ADAMTS7: variants seen among roughly 807,000 people sequenced by gnomAD.
The protein encoded by ADAMTS7 is A disintegrin and metalloproteinase with thrombospondin motifs 7.
In ADAMTS7, 89 loss-of-function variants were observed where a neutral mutation model predicts 172.6. The observed-to-expected ratio is 0.52, with a 90% CI of 0.43 to 0.61. ADAMTS7 has a LOEUF of 0.61. Ranked by LOEUF, ADAMTS7 falls within the 20% of genes least tolerant of loss-of-function variation. The pLI is 0.00. For synonymous variants in ADAMTS7, 885 were observed against 978.4 expected, an observed-to-expected ratio of 0.90 and a Z score of 1.78; for missense variants, 1,973 against 2,355.6, an observed-to-expected ratio of 0.84 and a Z score of 3.36.
At position 78,763,981 on chromosome 15, in the gene ADAMTS7, T is replaced by C; in HGVS notation, c.4538A>G (p.His1513Arg). The change falls in exon 21 of 24, where the codon CAC becomes CGC. Residue 1513 changes from histidine to arginine, a missense_variant. Physicochemically the swap from His to Arg is conservative, Grantham distance 29 (BLOSUM62 0). Transcript: ENST00000388820. ...GCAGGGCTGGGCCCCGCAGGGCCGG[T>C]GCGCAGGCGGCTTGGCAGGCCCGGG... ...CQPGPAKPPAHRPCGAQPCLS... is the reference protein window; with the variant it reads ...CQPGPAKPPARRPCGAQPCLS... 1.3e-6 allele frequency: 2 copies of C among 1,546,844 alleles called. No homozygotes were observed. The highest frequency in any genetic ancestry group is 1.7e-6 in the Non-Finnish European group (2 of 1,145,682).
intron 1 of ADAMTS7, among the ~76,000 whole-genome samples, chr15:78,808,075 T>C (rs2055819248): frequency 6.6e-6 from 1 of 152,082 alleles, no homozygotes. Context: ...AGGCTGGTCT[T>C]GAATTTCTGG....
chr15:78,805,512 ATTCATT>A (rs1474810869), intron 1 of ADAMTS7, among the ~76,000 whole-genome samples: 1 of 152,122 alleles, frequency 6.6e-6, no homozygotes, highest in Non-Finnish European at 1.5e-5. Flanking sequence ...ACCACTCCAT[ATTCATT>A]CCCAGTACTG....
At position 78,776,779 on chromosome 15, in the gene ADAMTS7, A is replaced by G. The variant is rs11854507; in HGVS notation, c.1530T>C (p.Ala510=). The stretch of plus-strand genomic sequence containing the variant: ...TCTCCCCACACCGGGTGCCGTCCAC[A>G]GCTGCATCCAGCTTGGAGTGACAGG... ...GTTCHSKLDA[A]VDGTRCGENK... The change falls in exon 10 of 24, where the codon GCT becomes GCC. Residue 510 remains alanine, a synonymous_variant. Transcript: ENST00000388820. 0.38 allele frequency: 580,434 copies of G among 1,540,612 alleles called. 111,900 individuals are homozygous for G. The highest frequency in any genetic ancestry group is 0.41 in the Non-Finnish European group (463,731 of 1,137,358).
intron 16 of ADAMTS7, among the ~76,000 whole-genome samples, chr15:78,768,680 C>T (rs1291203321): frequency 3.3e-5 from 5 of 152,196 alleles, no homozygotes; most frequent in Non-Finnish European, 5.9e-5. Context: ...AGCCCGTGCC[C>T]GGCACATCCT....
intron 4 of ADAMTS7, among the ~76,000 whole-genome samples, chr15:78,793,076 T>A (rs1353812947): frequency 6.6e-6 from 1 of 152,166 alleles, no homozygotes; most frequent in African/African-American, 2.4e-5. Context: ...CAATCGAGCT[T>A]AACACGTACA....
Position 78,764,580 on chromosome 15 carries a change from G to A in ADAMTS7, c.4394C>T (p.Thr1465Ile), listed in dbSNP as rs772232066. The A allele has an allele frequency of 1.9e-6, 3 of 1,556,724 alleles. No individual in the cohort carries two copies. The South Asian group carries it at 3.5e-5, about 18-fold the overall frequency. ...ARRCHLRPCA[T>I]WHSGNWSKCS... ...CTTACTCCAGTTGCCTGAGTGCCAG[G>A]TGGCACAGGGCCGCAGGTGGCAGCG... Residue 1465 changes from threonine to isoleucine, a missense_variant, in exon 20 of 24, where the codon ACC becomes ATC. Transcript: ENST00000388820.
rs759994126 is a variant in ADAMTS7, at chr15:78,759,563, C to T, written c.4919G>A (p.Arg1640His). The T allele has an allele frequency of 3.8e-5, 61 of 1,587,374 alleles. No individual in the cohort carries two copies. Among genetic ancestry groups the T allele is most frequent in the African/African-American group, 1.3e-4 (10 of 74,444 alleles). Residue 1640 changes from arginine (R) to histidine (H), a missense_variant, in exon 24 of 24, where the codon CGC (arginine) becomes CAC (histidine). Physicochemically the swap from Arg to His is conservative, Grantham distance 29. Coordinates refer to ENST00000388820, the MANE Select transcript of ADAMTS7 (RefSeq NM_014272.5). ...PVEPPRCERD[R>H]LSFGFCETLR... ...CGTCTCGCAGAACCCGAAGGACAGG[C>T]GGTCCCGCTCACAGCCTGGAGTGGG...
chr15:78,798,386 C>T (rs895754381), intron 2 of ADAMTS7, among the ~76,000 whole-genome samples: 2 of 152,212 alleles, frequency 1.3e-5, no homozygotes, highest in Non-Finnish European at 1.5e-5. Flanking sequence ...ACACCCACCC[C>T]ATTAGGAGAG....
At chr15:78,776,123 C>T (rs2055338953) in intron 11 of ADAMTS7, 65 bp downstream of exon 11, 2 of 1,526,438 alleles carry the variant, frequency 1.3e-6, no homozygotes, top group African/African-American at 2.8e-5. Flanking sequence ...CAAGCTCCTG[C>T]AATCGGCTGA....
Position 78,790,891 on chromosome 15 carries a change from C to A in ADAMTS7, c.904-97G>T, listed in dbSNP as rs1415977789. 3.8e-6 allele frequency: 6 copies of A among 1,562,192 alleles called. No homozygotes were observed. In the South Asian group the frequency reaches 5.9e-5, roughly 15 times the overall value. Reference sequence around the variant, plus strand: ...ACGAAGGCAGGAGACAGAGGCCCAGCAGGGAAGTGGGAGGCCCGCAGGCAC... The same window carrying A: ...ACGAAGGCAGGAGACAGAGGCCCAGAAGGGAAGTGGGAGGCCCGCAGGCAC... On this transcript the variant is annotated intron_variant, in intron 5 of 23. Transcript: ENST00000388820.
Position 78,796,655 on chromosome 15 carries a change from C to T in ADAMTS7, c.754G>A (p.Ala252Thr), listed in dbSNP as rs773930220. ...TGTCCGTGGTACTCCACCATTTTGG[C>T]ATCAGCTACTACCAGGGTCTCCACC... Reference protein sequence around the residue: ...KWVETLVVADAKMVEYHGQPQ... With the variant: ...KWVETLVVADTKMVEYHGQPQ... Residue 252 changes from alanine (A) to threonine (T), a missense_variant, in exon 4 of 24, where the codon GCC becomes ACC. By Grantham distance (58) the Ala-to-Thr change is moderately conservative. Around this residue, in one of 8 missense-constraint regions of ADAMTS7, gnomAD observed 526 missense variants for 662.9 expected, o/e 0.79. Transcript: ENST00000388820. 2 of 1,614,164 alleles carry T rather than the reference C, an allele frequency of 1.2e-6. No homozygotes were observed. The highest frequency in any genetic ancestry group is 1.7e-5 in the Admixed American group (1 of 60,026).
In ADAMTS7 at chr15:78,764,001, C is replaced by T. The variant is rs1178869935; in HGVS notation, c.4518G>A (p.Gly1506=). 3 of 1,543,204 alleles carry T rather than the reference C, an allele frequency of 1.9e-6. No individual in the cohort carries two copies. Among genetic ancestry groups the T allele is most frequent in the South Asian group, 2.4e-5 (2 of 82,856 alleles). The change falls in exon 21 of 24, where the codon GGG becomes GGA. Residue 1506 remains glycine (G), a synonymous_variant. Coordinates refer to ENST00000388820, the MANE Select transcript of ADAMTS7 (RefSeq NM_014272.5). ...GCCGGTGCGCAGGCGGCTTGGCAGG[C>T]CCGGGCTGACAATGGAAGGGCCGCA... ...RPLRPFHCQP[G]PAKPPAHRPC... is the part of the protein sequence containing the mutation.
Position 78,768,235 on chromosome 15 carries a change from C to T in ADAMTS7, c.2543G>A (p.Cys848Tyr). ...CACGGGCCCTGCCTGCCGCTCCAAG[C>T]AGTACACATTCTGCCTCTGCACACC... The part of the protein sequence containing the change: ...GRGVQRQNVY[C>Y]LERQAGPVDE... The change falls in exon 17 of 24, where the codon TGC becomes TAC. Residue 848 changes from cysteine (C) to tyrosine (Y), a missense_variant. By Grantham distance (194) the Cys-to-Tyr change is radical. Around this residue, in one of 8 missense-constraint regions of ADAMTS7, gnomAD observed 771 missense variants for 952.6 expected, o/e 0.81. Coordinates refer to ENST00000388820, the MANE Select transcript of ADAMTS7 (RefSeq NM_014272.5). The T allele has an allele frequency of 6.2e-7, 1 of 1,610,900 alleles. No homozygotes were observed. The highest frequency in any genetic ancestry group is 8.5e-7 in the Non-Finnish European group (1 of 1,179,666).
At chr15:78,767,326 G>A in intron 18 of ADAMTS7, 53 bp downstream of exon 18, 1 of 1,593,500 alleles carries the variant, frequency 6.3e-7, no homozygotes, top group East Asian at 2.2e-5. Context: ...CCTCCCTGTA[G>A]CTGAAGACCA....
rs141544952 is a variant in ADAMTS7, at chr15:78,805,714, T to A, written c.101-5167A>T. Among the ~76,000 whole-genome samples, 650 of 152,286 alleles carry A rather than the reference T, an allele frequency of 4.3e-3. 6 individuals carry two copies. Among genetic ancestry groups the A allele is most frequent in the African/African-American group, 0.015 (625 of 41,564 alleles). On this transcript the variant is annotated intron_variant, in intron 1 of 23. Transcript: ENST00000388820. ...TCCACGGCATTTGGTATGTGACCCT[T>A]GGCTACTAACTGTGAGGGGGCACTA...
At chr15:78,775,391 G>C (rs1389098079) in intron 11 of ADAMTS7, among the ~76,000 whole-genome samples, 1 of 152,182 alleles carries the variant, frequency 6.6e-6, no homozygotes, top group East Asian at 1.9e-4. Flanking sequence ...GGCAGGGAGG[G>C]GCACAGGCCA....
At chr15:78,808,742 C>A (rs2055828593) in intron 1 of ADAMTS7, among the ~76,000 whole-genome samples, 1 of 152,180 alleles carries the variant, frequency 6.6e-6, no homozygotes, top group Non-Finnish European at 1.5e-5. Flanking sequence ...GTGCTTGCAA[C>A]AAAGCTGAGC....
Position 78,800,380 on chromosome 15 carries a change from C to G in ADAMTS7, c.268G>C (p.Glu90Gln). ...TTGGCGGTCAGGTTGAAGCGCAGCTCGCGCCCGCGGTATTGTAGCTCGTAG... is the reference window on the plus strand; with the variant it reads ...TTGGCGGTCAGGTTGAAGCGCAGCTGGCGCCCGCGGTATTGTAGCTCGTAG... ...AFYELQYRGRELRFNLTANQH... is the reference protein window; with the variant it reads ...AFYELQYRGRQLRFNLTANQH... Residue 90 changes from glutamate to glutamine, a missense_variant, in exon 2 of 24, where the codon GAG becomes CAG. This residue lies in a region of ADAMTS7 where 306 missense variants were observed against 288.0 expected (regional missense o/e 1.06). Coordinates refer to ENST00000388820, the MANE Select transcript of ADAMTS7 (RefSeq NM_014272.5). The G allele has an allele frequency of 3.1e-6, 5 of 1,606,544 alleles. No homozygotes were observed. The highest frequency in any genetic ancestry group is 4.2e-6 in the Non-Finnish European group (5 of 1,177,184).
intron 8 of ADAMTS7, among the ~76,000 whole-genome samples, chr15:78,786,438 G>C (rs2055503790): frequency 6.6e-6 from 1 of 152,160 alleles, no homozygotes; most frequent in African/African-American, 2.4e-5. Flanking sequence ...ACTGAGTAAG[G>C]GACAGGAGAG....
Sources: gnomAD v4.1 joint callset for allele counts (sites outside exome capture counted in the v4.1 genomes callset) on GRCh38, gnomAD v4.1.1 for gene constraint, gnomAD v4.1.1 regional missense constraint, MANE v1.5 for transcripts, NCBI Gene and HGNC (gene_info 2026-07-23, HGNC 2026-07-21) for gene names.